CACNB3: variants seen among roughly 807,000 people sequenced by gnomAD.
The protein encoded by CACNB3 is voltage-dependent L-type calcium channel subunit beta-3.
A neutral mutation model predicts 63.7 loss-of-function variants in CACNB3; 36 were observed. That is an observed-to-expected ratio of 0.57 (90% CI 0.43 to 0.75). The LOEUF is 0.75. CACNB3 is among the 30% of genes least tolerant of loss of function. The probability of loss-of-function intolerance (pLI) is 0.00; values close to 1 mark genes in which losing one functional copy is unlikely to be tolerated. For synonymous variants in CACNB3, 241 were observed against 250.6 expected, an observed-to-expected ratio of 0.96 and a Z score of 0.36; for missense variants, 493 against 648.6, an observed-to-expected ratio of 0.76 and a Z score of 2.61.
At chr12:48,816,822 T>C (rs1042104391), upstream of CACNB3, 1 of 985,132 alleles carries the variant, frequency 1.0e-6, no homozygotes, top group African/African-American at 1.7e-5. Context: ...GGAGAGTGGA[T>C]GCAGGGATGG....
In CACNB3 at chr12:48,824,331, A is replaced by T. The variant is rs781583445; in HGVS notation, c.365A>T (p.Gln122Leu). 6.2e-7 allele frequency: 1 copy of T among 1,612,188 alleles called. No homozygotes were observed. ...GACATCGCCTTCATCCCCAGCCCCC[A>T]GCGCCTGGAGAGCATCCGGCTCAAA... ...GGDIAFIPSP[Q>L]RLESIRLKQE... The change falls in exon 4 of 13, where the codon CAG becomes CTG. Residue 122 changes from glutamine (Q) to leucine (L), a missense_variant. Transcript: ENST00000301050.
At chr12:48,821,455 G>C (rs945469857) in intron 1 of CACNB3, 3 of 152,200 alleles carry the variant, frequency 2.0e-5, no homozygotes, top group African/African-American at 7.2e-5. Flanking sequence ...TCCAGCCTGG[G>C]TGACAGAGCA....
At chr12:48,827,466 T>G in intron 12 of CACNB3, 119 bp from the exon 13 acceptor site, 1 of 1,013,294 alleles carries the variant, frequency 9.9e-7, no homozygotes, top group Non-Finnish European at 1.4e-6. Flanking sequence ...GCATGCTTTT[T>G]CCTTGCACTA....
intron 4 of CACNB3, 47 bp downstream of exon 4, chr12:48,824,420 C>A: frequency 6.7e-7 from 1 of 1,494,400 alleles, no homozygotes; most frequent in East Asian, 2.4e-5. Flanking sequence ...AACACTTGCA[C>A]TGTACCCACA....
In CACNB3 at chr12:48,826,021, G is replaced by A. The variant is rs954459456; in HGVS notation, c.742+252G>A. Among the ~76,000 whole-genome samples, 4 of 152,106 alleles carry A rather than the reference G, an allele frequency of 2.6e-5. No individual in the cohort carries two copies. Among genetic ancestry groups the A allele is most frequent in the Admixed American group, 6.6e-5 (1 of 15,260 alleles). ...TTTTTGCATTTTTAGTAGACGTGGG[G>A]TTTCACCATGTTGGCCAGGCTGGTC... is the stretch of plus-strand genomic sequence containing the variant. On this transcript the variant is annotated intron_variant, in intron 9 of 12. Coordinates refer to ENST00000301050, the MANE Select transcript of CACNB3 (RefSeq NM_000725.4). The surrounding 1 kb of genome is among the most constrained non-coding windows in gnomAD (Gnocchi z 4.8).
chr12:48,815,617 A>G (rs1246985969), upstream of CACNB3: 17 of 1,519,352 alleles, frequency 1.1e-5, no homozygotes, highest in Middle Eastern at 3.5e-4. Flanking sequence ...CGTGCAGAGC[A>G]GCGGCCGGGT....
chr12:48,824,846 G>A, intron 5 of CACNB3, 103 bp from the exon 6 acceptor site: 1 of 1,527,750 alleles, frequency 6.5e-7, no homozygotes, highest in South Asian at 1.1e-5. Flanking sequence ...GGATTGGAAG[G>A]GGTGGGGAGA....
chr12:48,822,049 C>T (rs1039178960), intron 1 of CACNB3, among the ~76,000 whole-genome samples: 6 of 152,134 alleles, frequency 3.9e-5, no homozygotes, highest in East Asian at 1.9e-4. Context: ...TGCTGCCTTC[C>T]GTAGGTGGTC....
chr12:48,814,643 T>G, upstream of CACNB3: 1 of 1,308,536 alleles, frequency 7.6e-7, no homozygotes, highest in East Asian at 2.8e-5. This position sits in a 1 kb window ranked among gnomAD's most constrained non-coding sequence, Gnocchi z 6.9. Flanking sequence ...TGGGGTCTCC[T>G]ACTGGGGGTC....
chr12:48,819,802 C>G, intron 1 of CACNB3: 1 of 376,946 alleles, frequency 2.7e-6, no homozygotes, highest in Non-Finnish European at 5.4e-6. Context: ...GCTTTTATCT[C>G]CTGACCCACT....
At chr12:48,814,963 A>C, upstream of CACNB3, 1 of 181,476 alleles carries the variant, frequency 5.5e-6, no homozygotes, top group Admixed American at 6.2e-5. This position sits in a 1 kb window ranked among gnomAD's most constrained non-coding sequence, Gnocchi z 6.9. Context: ...GAGGGGGGAG[A>C]CGGCAGAGAC....
chr12:48,816,045 G>A (rs1446839621), upstream of CACNB3, among the ~76,000 whole-genome samples: 1 of 152,196 alleles, frequency 6.6e-6, no homozygotes, highest in South Asian at 2.1e-4. Context: ...TTCCCTGGCA[G>A]CCTAGCAGCC....
chr12:48,823,885 C>A lies in CACNB3; in HGVS notation c.291+82C>A. ...AGATCCTAATGCTTCTGACTTGAAT[C>A]CTCAGTCTAATTCCCCAAGCTAATC... is the stretch of plus-strand genomic sequence containing the variant. On this transcript the variant is annotated intron_variant, in intron 3 of 12. Coordinates refer to ENST00000301050, the MANE Select transcript of CACNB3 (RefSeq NM_000725.4). The surrounding 1 kb of genome is among the most constrained non-coding windows in gnomAD (Gnocchi z 4.2). The A allele has an allele frequency of 1.3e-6, 2 of 1,564,860 alleles. No homozygotes were observed. The highest frequency in any genetic ancestry group is 1.7e-6 in the Non-Finnish European group (2 of 1,143,638).
rs1278981337 is a variant in CACNB3, at chr12:48,826,172, A to C, written c.743-195A>C. The C allele has an allele frequency of 1.7e-6, 1 of 602,896 alleles. No individual in the cohort carries two copies. The highest frequency in any genetic ancestry group is 2.9e-6 in the Non-Finnish European group (1 of 341,060). The allele number at this position is 602,896 out of a possible 1,614,324, so 37.3% of individuals were successfully genotyped here. On this transcript the variant is annotated intron_variant, in intron 9 of 12. Coordinates refer to ENST00000301050, the MANE Select transcript of CACNB3 (RefSeq NM_000725.4). The surrounding 1 kb of genome is among the most constrained non-coding windows in gnomAD (Gnocchi z 4.8). ...CCTTACCTCCTTGTCTTTCTGCCCA[A>C]CTCCTCTACCTGCCCCCAGGATTGG...
rs1194880067 is a variant in CACNB3, at chr12:48,828,757, A to T, written c.*858A>T. 2.2e-6 allele frequency: 1 copy of T among 456,454 alleles called. No homozygotes were observed. The highest frequency in any genetic ancestry group is 4.4e-6 in the Non-Finnish European group (1 of 226,778). The allele number at this position is 456,454 out of a possible 1,614,324, so 28.3% of individuals were successfully genotyped here. A position where few individuals can be genotyped will look rare whatever the true frequency, so the allele number is the denominator to read the frequency against. ...ATACATCTTTGGAGAACCGGGCTCCAGACTTTGTTCCCTGACTCATAGCTG... is the reference window on the plus strand; with the variant it reads ...ATACATCTTTGGAGAACCGGGCTCCTGACTTTGTTCCCTGACTCATAGCTG... On this transcript the variant is annotated 3_prime_UTR_variant, in exon 13 of 13. Coordinates refer to ENST00000301050, the MANE Select transcript of CACNB3 (RefSeq NM_000725.4).
In CACNB3 at chr12:48,827,842, C is replaced by CA; in HGVS notation, c.1400dup (p.Asn467LysfsTer4). ...GGCTTCTAGCCCAGGACTCAGAGCA[C>CA]AACCACAGTGACCGGAACTGGCAGC... On this transcript the variant is annotated frameshift_variant, in exon 13 of 13. Transcript: ENST00000301050. LOFTEE classifies it high-confidence loss of function. 1 of 1,614,152 alleles carries CA rather than the reference C, an allele frequency of 6.2e-7. No homozygotes were observed. Among genetic ancestry groups the CA allele is most frequent in the South Asian group, 1.1e-5 (1 of 91,074 alleles).
At chr12:48,818,433 C>T, upstream of CACNB3, 3 of 987,436 alleles carry the variant, frequency 3.0e-6, no homozygotes, top group Non-Finnish European at 2.4e-6. This position sits in a 1 kb window ranked among gnomAD's most constrained non-coding sequence, Gnocchi z 4.3. Flanking sequence ...GCGTCTCTGT[C>T]TCCGCATCTC....
At position 48,823,978 on chromosome 12, in the gene CACNB3, C is replaced by A; in HGVS notation, c.291+175C>A. 2 of 825,634 alleles carry A rather than the reference C, an allele frequency of 2.4e-6. No individual in the cohort carries two copies. The highest frequency in any genetic ancestry group is 3.7e-6 in the Non-Finnish European group (2 of 536,528). 51.1% of individuals were successfully genotyped at this position (825,634 alleles called of 1,614,324 possible). A position where few individuals can be genotyped will look rare whatever the true frequency, so the allele number is the denominator to read the frequency against. Reference sequence around the variant, plus strand: ...AGATCTCATCCCCAGGGTCTCCATCCTTCTGAGACCTGGCTTGGGCATCAG... The same window carrying A: ...AGATCTCATCCCCAGGGTCTCCATCATTCTGAGACCTGGCTTGGGCATCAG... On this transcript the variant is annotated intron_variant, in intron 3 of 12. Coordinates refer to ENST00000301050, the MANE Select transcript of CACNB3 (RefSeq NM_000725.4). The surrounding 1 kb of genome is among the most constrained non-coding windows in gnomAD (Gnocchi z 4.2).
rs985700043 is a variant in CACNB3, at chr12:48,826,029, A to G, written c.742+260A>G. Among the ~76,000 whole-genome samples the G allele has an allele frequency of 6.6e-6, 1 of 152,196 alleles. No individual in the cohort carries two copies. Among genetic ancestry groups the G allele is most frequent in the Non-Finnish European group, 1.5e-5 (1 of 67,998 alleles). ...TTTTTAGTAGACGTGGGGTTTCACC[A>G]TGTTGGCCAGGCTGGTCTCGAACTC... On this transcript the variant is annotated intron_variant, in intron 9 of 12. Transcript: ENST00000301050. This position sits in a 1 kb window ranked among gnomAD's most constrained non-coding sequence, Gnocchi z 4.8.
Sources: gnomAD v4.1 joint callset for allele counts (sites outside exome capture counted in the v4.1 genomes callset) on GRCh38, gnomAD v4.1.1 for gene constraint, Gnocchi (gnomAD v3.1) non-coding constraint, MANE v1.5 for transcripts, NCBI Gene and HGNC (gene_info 2026-07-23, HGNC 2026-07-21) for gene names.